The following MTA1 variants were observed in gnomAD, a reference collection of about 807,000 sequenced individuals.
The protein encoded by MTA1 is metastasis associated 1.
MTA1 carries 15 observed loss-of-function variants against 97.0 expected under a neutral mutation model. The observed-to-expected ratio is 0.15, with a 90% CI of 0.10 to 0.24. The LOEUF is 0.24. Ranked by LOEUF, MTA1 falls within the 10% of genes least tolerant of loss-of-function variation. The pLI, the probability that MTA1 is intolerant of heterozygous loss-of-function variation, is 1.00. For synonymous variants in MTA1, 435 were observed against 417.5 expected (o/e 1.04, Z -0.51); for missense variants, 709 against 1,015.1 (o/e 0.70, Z 4.10).
intron 8 of MTA1, among the ~76,000 whole-genome samples, chr14:105,458,631 T>G (rs1165301561): frequency 6.6e-6 from 1 of 152,060 alleles, no homozygotes; most frequent in Non-Finnish European, 1.5e-5. Context: ...TAATGGGGCT[T>G]TCCCAGGATG....
At chr14:105,435,184 AT>A (rs372713013) in intron 1 of MTA1, among the ~76,000 whole-genome samples, 13 of 152,048 alleles carry the variant, frequency 8.5e-5, no homozygotes, top group African/African-American at 2.7e-4. Flanking sequence ...TATGTGTTGG[AT>A]TTTTTCAGAT....
rs373154841 is a variant in MTA1 at position 105,458,386 on chromosome 14, C to T, written c.653+14C>T. 2.7e-4 allele frequency: 439 copies of T among 1,610,174 alleles called. No homozygotes were observed. Among genetic ancestry groups the T allele is most frequent in the Non-Finnish European group, 3.5e-4 (415 of 1,178,044 alleles). ...GGTGGTGGCCCGGTGAGTCCTGCTC[C>T]TGGGCAAGGCCAGCAGGGGTGGTGC... On this transcript the variant is annotated intron_variant, in intron 8 of 20. Coordinates refer to ENST00000331320, the MANE Select transcript of MTA1 (RefSeq NM_004689.4).
Position 105,456,217 on chromosome 14 carries a change from T to A in MTA1, c.550+1907T>A, listed in dbSNP as rs2141621767. Among the ~76,000 whole-genome samples, 2 of 152,346 alleles carry A rather than the reference T, an allele frequency of 1.3e-5. 1 individual carries two copies. The highest frequency in any genetic ancestry group is 4.1e-4 in the South Asian group (2 of 4,830). On this transcript the variant is annotated intron_variant, in intron 7 of 20. Transcript: ENST00000331320. ...CAGGTGGAAAGGCAGAGTCCGTGGC[T>A]GGGAGACAGGTGAGAACACAGATCA...
At position 105,424,077 on chromosome 14, in the gene MTA1, C is replaced by T. The variant is rs2081935314; in HGVS notation, c.28+4014C>T. ...CCTGGAGGGGATGGCATGGGGCTGT[C>T]CCACTTGGCCTGTGAGGATCGGCCT... is the stretch of plus-strand genomic sequence containing the variant. On this transcript the variant is annotated intron_variant, in intron 1 of 20. Coordinates refer to ENST00000331320, the MANE Select transcript of MTA1 (RefSeq NM_004689.4). This position sits in a 1 kb window ranked among gnomAD's most constrained non-coding sequence, Gnocchi z 4.0. 6.6e-6 allele frequency among the ~76,000 whole-genome samples: 1 copy of T among 152,228 alleles called. No individual in the cohort carries two copies. The highest frequency in any genetic ancestry group is 6.5e-5 in the Admixed American group (1 of 15,280).
chr14:105,451,404 C>T (rs949757024), intron 6 of MTA1, among the ~76,000 whole-genome samples: 1 of 152,208 alleles, frequency 6.6e-6, no homozygotes, highest in Non-Finnish European at 1.5e-5. Context: ...GTAACACATG[C>T]GTGGAGCATG....
At chr14:105,449,186 G>A (rs2082826058) in intron 3 of MTA1, 173 bp from the exon 4 acceptor site, 5 of 574,174 alleles carry the variant, frequency 8.7e-6, no homozygotes, top group South Asian at 2.3e-5. Context: ...GTGGGGGGAC[G>A]TCGAGGCCCA....
At position 105,463,027 on chromosome 14, in the gene MTA1, C is replaced by T. The variant is rs1555431399; in HGVS notation, c.943-157C>T. Among the ~76,000 whole-genome samples, 1 of 152,144 alleles carries T rather than the reference C, an allele frequency of 6.6e-6. No individual in the cohort carries two copies. Among genetic ancestry groups the T allele is most frequent in the Non-Finnish European group, 1.5e-5 (1 of 68,018 alleles). On this transcript the variant is annotated intron_variant, in intron 10 of 20. Transcript: ENST00000331320. This position sits in a 1 kb window ranked among gnomAD's most constrained non-coding sequence, Gnocchi z 5.9. ...CTTCATCAGCTGCCCTCTGCACCTG[C>T]CTGCCAGCAGGGGCCTGGCCTCCGT...
In MTA1 at chr14:105,420,517, C is replaced by T. The variant is rs1241898891; in HGVS notation, c.28+454C>T. Among the ~76,000 whole-genome samples, 6 of 152,106 alleles carry T rather than the reference C, an allele frequency of 3.9e-5. No individual in the cohort carries two copies. Among genetic ancestry groups the T allele is most frequent in the African/African-American group, 1.2e-4 (5 of 41,442 alleles). On this transcript the variant is annotated intron_variant, in intron 1 of 20. Transcript: ENST00000331320. This position sits in a 1 kb window ranked among gnomAD's most constrained non-coding sequence, Gnocchi z 5.3. Reference sequence around the variant, plus strand: ...TGCATCCCCTCTGGGGATGGGGAGCCCCGGTGAGGGGCCACGTTCCTCCCT... The same window carrying T: ...TGCATCCCCTCTGGGGATGGGGAGCTCCGGTGAGGGGCCACGTTCCTCCCT...
intron 6 of MTA1, among the ~76,000 whole-genome samples, chr14:105,450,927 C>G (rs2082903377): frequency 6.6e-6 from 1 of 152,210 alleles, no homozygotes; most frequent in Non-Finnish European, 1.5e-5. Context: ...GTTGGGTTTT[C>G]TGAGGCCACG....
At chr14:105,468,142 C>T (rs2083674571) in intron 18 of MTA1, 13 of 417,154 alleles carry the variant, frequency 3.1e-5, no homozygotes, top group Non-Finnish European at 6.1e-5. Flanking sequence ...GGGTCTCTGT[C>T]CAGCCTGGGT....
chr14:105,461,018 G>A, intron 10 of MTA1, 65 bp downstream of exon 10: 11 of 1,498,234 alleles, frequency 7.3e-6, no homozygotes, highest in South Asian at 1.3e-5. Context: ...GGCTGCGGGG[G>A]TGTGGGCTCC....
At chr14:105,445,740 C>T in intron 3 of MTA1, 1 of 652,910 alleles carries the variant, frequency 1.5e-6, no homozygotes, top group Non-Finnish European at 2.9e-6. Flanking sequence ...CCGGAGTGGT[C>T]TGTCTCTCAC....
At position 105,463,912 on chromosome 14, in the gene MTA1, C is replaced by A; in HGVS notation, c.1077-120C>A. On this transcript the variant is annotated intron_variant, in intron 12 of 20. Coordinates refer to ENST00000331320, the MANE Select transcript of MTA1 (RefSeq NM_004689.4). This position sits in a 1 kb window ranked among gnomAD's most constrained non-coding sequence, Gnocchi z 5.9. ...GAGAAAGGAAGATCCCTGCCGAGGC[C>A]GAGGGGTGCGAGGACGTGGTTCTGG... The A allele has an allele frequency of 1.1e-6, 1 of 921,066 alleles. No individual in the cohort carries two copies. Among genetic ancestry groups the A allele is most frequent in the Non-Finnish European group, 1.8e-6 (1 of 567,166 alleles). The allele number at this position is 921,066 out of a possible 1,614,324, so 57.1% of individuals were successfully genotyped here. A position where few individuals can be genotyped will look rare whatever the true frequency, so the allele number is the denominator to read the frequency against.
intron 1 of MTA1, among the ~76,000 whole-genome samples, chr14:105,426,715 G>A (rs1296976926): frequency 6.6e-6 from 1 of 152,194 alleles, no homozygotes; most frequent in African/African-American, 2.4e-5. Context: ...TCTGGTCTCC[G>A]ATCCTTCTTG....
Position 105,422,855 on chromosome 14 carries a change from A to C in MTA1, c.28+2792A>C, listed in dbSNP as rs1351274557. 6.6e-6 allele frequency among the ~76,000 whole-genome samples: 1 copy of C among 152,148 alleles called. No individual in the cohort carries two copies. The highest frequency in any genetic ancestry group is 1.5e-5 in the Non-Finnish European group (1 of 68,008). On this transcript the variant is annotated intron_variant, in intron 1 of 20. Transcript: ENST00000331320. This position sits in a 1 kb window ranked among gnomAD's most constrained non-coding sequence, Gnocchi z 4.3. ...CATGGAGTGCCCTGGCCACGGACAG[A>C]GGCCTTCTGTCTGTGCCTGTGAGGG...
chr14:105,432,991 G>A (rs868972269), intron 1 of MTA1, among the ~76,000 whole-genome samples: 6 of 152,182 alleles, frequency 3.9e-5, no homozygotes, highest in Non-Finnish European at 7.4e-5. Flanking sequence ...GGACTGTAGC[G>A]TAACCCCGTG....
chr14:105,444,897 T>C (rs888857739), intron 2 of MTA1, among the ~76,000 whole-genome samples: 1 of 152,224 alleles, frequency 6.6e-6, no homozygotes, highest in Non-Finnish European at 1.5e-5. Context: ...TAAAAACTCG[T>C]TCAGAAAACA....
chr14:105,445,803 C>T (rs1555427037), intron 3 of MTA1: 2 of 498,448 alleles, frequency 4.0e-6, no homozygotes, highest in Admixed American at 3.2e-5. Context: ...CATCATTGAT[C>T]GAGGCTTCTT....
At chr14:105,430,854 T>A (rs1334450090) in intron 1 of MTA1, among the ~76,000 whole-genome samples, 3 of 152,190 alleles carry the variant, frequency 2.0e-5, no homozygotes, top group Non-Finnish European at 4.4e-5. Flanking sequence ...AATTCACATT[T>A]CAGTGCTCAG....
Sources: gnomAD v4.1 joint callset for allele counts (sites outside exome capture counted in the v4.1 genomes callset) on GRCh38, gnomAD v4.1.1 for gene constraint, Gnocchi (gnomAD v3.1) non-coding constraint, MANE v1.5 for transcripts, NCBI Gene and HGNC (gene_info 2026-07-23, HGNC 2026-07-21) for gene names.